KCNMB4: variants seen among roughly 807,000 people sequenced by gnomAD.
KCNMB4 encodes potassium calcium-activated channel subfamily M regulatory beta subunit 4.
A neutral mutation model predicts 20.7 loss-of-function variants in KCNMB4; 3 were observed. The observed-to-expected ratio is 0.14, with a 90% CI of 0.07 to 0.37. The LOEUF is 0.37. Among genes scored for constraint, KCNMB4 ranks in the 10% least tolerant of loss-of-function variants. The pLI, the probability that KCNMB4 is intolerant of heterozygous loss-of-function variation, is 1.00. For synonymous variants in KCNMB4, 110 were observed against 113.4 expected (o/e 0.97, Z 0.19); for missense variants, 168 against 265.9 (o/e 0.63, Z 2.56).
At chr12:70,405,019 G>C (rs1294878102) in intron 2 of KCNMB4, among the ~76,000 whole-genome samples, 1 of 152,066 alleles carries the variant, frequency 6.6e-6, no homozygotes, top group Admixed American at 6.5e-5. Flanking sequence ...GTGGCCAGAG[G>C]GTGAAAGGAA....
chr12:70,401,636 CTTTTTTTT>C (rs11382485), intron 2 of KCNMB4, among the ~76,000 whole-genome samples: 3 of 139,952 alleles, frequency 2.1e-5, no homozygotes, highest in African/African-American at 7.9e-5. Flanking sequence ...AGCAATGACA[CTTTTTTTT>C]TTTTTTTTTA....
intron 2 of KCNMB4, among the ~76,000 whole-genome samples, chr12:70,401,930 C>A (rs1868464179): frequency 6.6e-6 from 1 of 152,144 alleles, no homozygotes; most frequent in Non-Finnish European, 1.5e-5. Context: ...CAAAGCAAGT[C>A]ATGAAGCCAG....
chr12:70,400,107 A>G, intron 1 of KCNMB4, 102 bp from the exon 2 acceptor site: 3 of 917,404 alleles, frequency 3.3e-6, no homozygotes, highest in Non-Finnish European at 4.6e-6. Flanking sequence ...GGAGGCCTAA[A>G]TTAGATTTAC....
At chr12:70,422,675 CAG>C (rs756342722) in intron 2 of KCNMB4, 5 of 1,285,900 alleles carry the variant, frequency 3.9e-6, no homozygotes, top group Admixed American at 2.3e-5. Flanking sequence ...TTAAAAAAGA[CAG>C]AAAGTCATAA....
intron 1 of KCNMB4, among the ~76,000 whole-genome samples, chr12:70,368,624 G>T (rs1018801348): frequency 6.6e-6 from 1 of 151,966 alleles, no homozygotes; most frequent in Non-Finnish European, 1.5e-5. Context: ...TAATGTCAAA[G>T]ATGAGTGCCA....
At chr12:70,368,807 A>G (rs1036556709) in intron 1 of KCNMB4, among the ~76,000 whole-genome samples, 1 of 152,152 alleles carries the variant, frequency 6.6e-6, no homozygotes, top group East Asian at 1.9e-4. Flanking sequence ...TCTAATCAAG[A>G]CAAGGACAAA....
intron 2 of KCNMB4, among the ~76,000 whole-genome samples, chr12:70,430,276 A>G (rs1337552820): frequency 3.9e-5 from 6 of 152,220 alleles, no homozygotes; most frequent in African/African-American, 1.4e-4. Flanking sequence ...ATTATAATTA[A>G]TACATAAATT....
chr12:70,424,463 G>A (rs1002286641), intron 2 of KCNMB4, among the ~76,000 whole-genome samples: 1 of 134,012 alleles, frequency 7.5e-6, no homozygotes, highest in African/African-American at 2.9e-5. Context: ...AAAAAATATT[G>A]CAAAGGCTGG....
intron 1 of KCNMB4, among the ~76,000 whole-genome samples, chr12:70,388,102 T>G (rs1868271798): frequency 6.6e-6 from 1 of 152,160 alleles, no homozygotes; most frequent in Non-Finnish European, 1.5e-5. Context: ...CCTTGCTTAT[T>G]TCACTTAACT....
chr12:70,413,632 A>G (rs1373326515), intron 2 of KCNMB4, among the ~76,000 whole-genome samples: 1 of 152,200 alleles, frequency 6.6e-6, no homozygotes, highest in African/African-American at 2.4e-5. Context: ...TCACAGACTC[A>G]TAGACTGTCA....
chr12:70,398,658 AAAT>A (rs1719889751), intron 1 of KCNMB4, among the ~76,000 whole-genome samples: 1 of 152,242 alleles, frequency 6.6e-6, no homozygotes, highest in Non-Finnish European at 1.5e-5. Context: ...AACACTGTGA[AAAT>A]AATGTCATCA....
intron 1 of KCNMB4, among the ~76,000 whole-genome samples, chr12:70,390,043 C>A (rs149304999): frequency 6.6e-6 from 1 of 152,186 alleles, no homozygotes; most frequent in South Asian, 2.1e-4. Flanking sequence ...GTACCTCCAT[C>A]ATTTCTTTCA....
At position 70,430,469 on chromosome 12, in the gene KCNMB4, C is replaced by G. The variant is rs1304212218; in HGVS notation, c.465-16C>G. ...ATTTGACTGCCCTTTCTTTCTTATT[C>G]TCCATTGTCTTGCAGACCAGATGAT... On this transcript the variant is annotated splice_polypyrimidine_tract_variant and intron_variant, in intron 2 of 2. Transcript: ENST00000258111. The G allele has an allele frequency of 6.2e-7, 1 of 1,611,722 alleles. No individual in the cohort carries two copies. The highest frequency in any genetic ancestry group is 8.5e-7 in the Non-Finnish European group (1 of 1,179,214).
chr12:70,382,597 C>T (rs779992907), intron 1 of KCNMB4, among the ~76,000 whole-genome samples: 1 of 151,852 alleles, frequency 6.6e-6, no homozygotes, highest in Non-Finnish European at 1.5e-5. Context: ...AAGGAATACA[C>T]TGATTAATGA....
intron 1 of KCNMB4, among the ~76,000 whole-genome samples, chr12:70,383,958 A>G (rs1565856410): frequency 6.6e-6 from 1 of 152,152 alleles, no homozygotes; most frequent in Non-Finnish European, 1.5e-5. Context: ...AACCCCAGCT[A>G]CTCAGGAGGC....
At chr12:70,425,895 T>C (rs1869198817) in intron 2 of KCNMB4, among the ~76,000 whole-genome samples, 1 of 152,176 alleles carries the variant, frequency 6.6e-6, no homozygotes, top group South Asian at 2.1e-4. Context: ...TCCCAGTAGT[T>C]TGGGGGGCCG....
At chr12:70,382,285 T>G (rs1883801015) in intron 1 of KCNMB4, among the ~76,000 whole-genome samples, 1 of 151,436 alleles carries the variant, frequency 6.6e-6, no homozygotes, top group African/African-American at 2.4e-5. Context: ...TACAAAAAAT[T>G]AGCCGGGCGC....
rs1306032905 is a variant in KCNMB4, at chr12:70,431,712, G to C, written c.*1059G>C. 2 of 152,112 alleles carry C rather than the reference G, an allele frequency of 1.3e-5. No individual in the cohort carries two copies. The highest frequency in any genetic ancestry group is 6.5e-5 in the Admixed American group (1 of 15,272). 9.4% of individuals were successfully genotyped at this position (152,112 alleles called of 1,614,324 possible). A position where few individuals can be genotyped will look rare whatever the true frequency, so the allele number is the denominator to read the frequency against. ...TGTGCCTTTATCAAAAGTTGATTGA[G>C]AAGACCATATTTCTTTGTATCTTTT... On this transcript the variant is annotated 3_prime_UTR_variant, in exon 3 of 3. Coordinates refer to ENST00000258111, the MANE Select transcript of KCNMB4 (RefSeq NM_014505.6).
intron 2 of KCNMB4, among the ~76,000 whole-genome samples, chr12:70,420,614 G>C (rs540984800): frequency 6.6e-6 from 1 of 152,180 alleles, no homozygotes. Context: ...GCAAACCTCT[G>C]ACCTCCAGAA....
Sources: allele counts gnomAD v4.1 joint callset (sites outside exome capture counted in the v4.1 genomes callset), GRCh38; gene constraint gnomAD v4.1.1; transcripts MANE v1.5; gene names NCBI Gene and HGNC (gene_info 2026-07-23, HGNC 2026-07-21).